FAM13A: variants seen among roughly 807,000 people sequenced by gnomAD.
The protein encoded by FAM13A is family with sequence similarity 13 member A.
A neutral mutation model predicts 129.6 loss-of-function variants in FAM13A; 76 were observed. The observed-to-expected ratio is 0.59, with a 90% CI of 0.49 to 0.71. FAM13A has a LOEUF of 0.71. FAM13A is among the 30% of genes least tolerant of loss of function. The pLI is 0.00. For synonymous variants in FAM13A, 443 were observed against 449.9 expected, an observed-to-expected ratio of 0.98 and a Z score of 0.20; for missense variants, 1,108 against 1,249.3, an observed-to-expected ratio of 0.89 and a Z score of 1.70.
intron 4 of FAM13A, among the ~76,000 whole-genome samples, chr4:88,938,736 A>G (rs1315932001): frequency 1.3e-5 from 2 of 152,204 alleles, no homozygotes; most frequent in Admixed American, 6.5e-5. Context: ...CTATTACACT[A>G]TTCTCTCTTC....
chr4:88,880,050 C>T (rs1443772236), intron 6 of FAM13A, among the ~76,000 whole-genome samples: 1 of 151,908 alleles, frequency 6.6e-6, no homozygotes, highest in Non-Finnish European at 1.5e-5. Flanking sequence ...ATTATTATTC[C>T]TCTCTAATAA....
chr4:89,046,111 T>C (rs1770821192), intron 1 of FAM13A, among the ~76,000 whole-genome samples: 1 of 151,814 alleles, frequency 6.6e-6, no homozygotes, highest in African/African-American at 2.4e-5. Flanking sequence ...AAAGCTACAA[T>C]TTGAACAGAC....
intron 3 of FAM13A, among the ~76,000 whole-genome samples, chr4:89,003,609 TG>T (rs1319205721): frequency 6.6e-6 from 1 of 151,642 alleles, no homozygotes; most frequent in Non-Finnish European, 1.5e-5. Context: ...CACTCCAGCC[TG>T]AATGACAGAA....
chr4:88,918,316 T>C (rs866811936), intron 5 of FAM13A, among the ~76,000 whole-genome samples: 1 of 152,358 alleles, frequency 6.6e-6, no homozygotes, highest in African/African-American at 2.4e-5. Flanking sequence ...TTCTTCTAAG[T>C]GCTTATTACA....
At chr4:88,914,576 T>TC (rs1749771501) in intron 5 of FAM13A, among the ~76,000 whole-genome samples, 1 of 152,212 alleles carries the variant, frequency 6.6e-6, no homozygotes, top group Admixed American at 6.5e-5. Context: ...TTCTTATCTT[T>TC]CAGCTCCCAT....
chr4:88,981,829 C>T (rs772219699), intron 4 of FAM13A, among the ~76,000 whole-genome samples: 10 of 152,176 alleles, frequency 6.6e-5, no homozygotes, highest in Non-Finnish European at 1.3e-4. Flanking sequence ...AAATGTGTTC[C>T]ATGGGAAGAA....
chr4:89,030,140 T>G (rs983572822), intron 1 of FAM13A, among the ~76,000 whole-genome samples: 1 of 152,170 alleles, frequency 6.6e-6, no homozygotes, highest in Non-Finnish European at 1.5e-5. Context: ...AGTTCTCTGA[T>G]TTGATTACAT....
chr4:88,737,768 G>A, intron 20 of FAM13A: 1 of 568,936 alleles, frequency 1.8e-6, no homozygotes, highest in South Asian at 2.0e-5. Flanking sequence ...AATCAAGGAG[G>A]ACAGAGTACA....
At chr4:88,995,140 TGTATATTTGTTGCACAAATATACAAACA>T (rs879374324) in intron 3 of FAM13A, among the ~76,000 whole-genome samples, 3,156 of 150,922 alleles carry the variant, frequency 0.021, 95 homozygotes, top group African/African-American at 0.062. Flanking sequence ...GCACCCAAAA[TGTATATTTGTTGCACAAATATACAAACA>T]GTATATTTGT....
intron 7 of FAM13A, among the ~76,000 whole-genome samples, chr4:88,832,375 A>G (rs1361653309): frequency 6.6e-6 from 1 of 152,232 alleles, no homozygotes; most frequent in Non-Finnish European, 1.5e-5. Flanking sequence ...ACAAAAGCAA[A>G]AATTGACAAA....
chr4:89,028,103 G>C (rs1166564798), intron 2 of FAM13A, among the ~76,000 whole-genome samples: 1 of 151,522 alleles, frequency 6.6e-6, no homozygotes, highest in Non-Finnish European at 1.5e-5. Flanking sequence ...CTACTTGGGA[G>C]GCTGAGGCAG....
At chr4:88,887,956 C>G (rs1446932865) in intron 6 of FAM13A, among the ~76,000 whole-genome samples, 1 of 152,158 alleles carries the variant, frequency 6.6e-6, no homozygotes, top group Admixed American at 6.5e-5. Context: ...TTTTGTCAGA[C>G]AGCAAGGCAA....
At chr4:88,864,973 G>A (rs937388166) in intron 6 of FAM13A, among the ~76,000 whole-genome samples, 2 of 152,076 alleles carry the variant, frequency 1.3e-5, no homozygotes, top group Admixed American at 1.3e-4. Context: ...TCAACAACTT[G>A]TGAAAAATAT....
In FAM13A at chr4:88,781,858, G is replaced by A. The variant is rs189255233; in HGVS notation, c.1272-507C>T. Among the ~76,000 whole-genome samples the A allele has an allele frequency of 2.3e-3, 338 of 149,382 alleles. 5 individuals carry two copies. The highest frequency in any genetic ancestry group is 0.017 in the Middle Eastern group (5 of 290). ...ACTGTTGTGGGGTGGGGGGAGCGGG[G>A]AGGGATAGCATTAGGAGATATACCT... On this transcript the variant is annotated intron_variant, in intron 10 of 23. Transcript: ENST00000264344.
intron 7 of FAM13A, among the ~76,000 whole-genome samples, chr4:88,847,657 G>A (rs996226971): frequency 6.6e-6 from 1 of 152,074 alleles, no homozygotes; most frequent in African/African-American, 2.4e-5. Context: ...ACAACAGGCC[G>A]GGTGCAGTGG....
At position 89,006,013 on chromosome 4, in the gene FAM13A, G is replaced by T. The variant is rs562997624; in HGVS notation, c.427+14447C>A. Among the ~76,000 whole-genome samples, 8 of 117,938 alleles carry T rather than the reference G, an allele frequency of 6.8e-5. No homozygotes were observed. In the South Asian group the frequency reaches 2.7e-3, roughly 40 times the overall value. 77.4% of individuals were successfully genotyped at this position (117,938 alleles called of 152,430 possible). On this transcript the variant is annotated intron_variant, in intron 3 of 23. Coordinates refer to ENST00000264344, the MANE Select transcript of FAM13A (RefSeq NM_014883.4). Reference sequence around the variant, plus strand: ...CCTACATCCAGATGGTATTGCCTAGGTTGTCTTCCAGGTTTTTATAGTTTT... The same window carrying T: ...CCTACATCCAGATGGTATTGCCTAGTTTGTCTTCCAGGTTTTTATAGTTTT...
Position 88,779,689 on chromosome 4 carries a change from T to A in FAM13A, c.1458+1476A>T, listed in dbSNP as rs562306917. ...AAAAACCCCAAATGGAATTAGGATC[T>A]TCCATCCCAGTGTTTTTCAGCACAG... is the stretch of plus-strand genomic sequence containing the variant. On this transcript the variant is annotated intron_variant, in intron 11 of 23. Coordinates refer to ENST00000264344, the MANE Select transcript of FAM13A (RefSeq NM_014883.4). 4.6e-5 allele frequency among the ~76,000 whole-genome samples: 7 copies of A among 152,322 alleles called. No homozygotes were observed. The East Asian group carries it at 1.3e-3, about 29-fold the overall frequency.
chr4:88,898,166 A>G (rs375948925), intron 6 of FAM13A, among the ~76,000 whole-genome samples: 1 of 152,198 alleles, frequency 6.6e-6, no homozygotes, highest in South Asian at 2.1e-4. Flanking sequence ...TTTCAAGAGC[A>G]TATTTCGTTT....
intron 6 of FAM13A, among the ~76,000 whole-genome samples, chr4:88,893,491 C>T (rs1301809018): frequency 6.6e-6 from 1 of 152,066 alleles, no homozygotes; most frequent in Non-Finnish European, 1.5e-5. Context: ...GGCGTGGTGG[C>T]GGGCGCCTGT....
Sources: allele counts gnomAD v4.1 joint callset (sites outside exome capture counted in the v4.1 genomes callset), GRCh38; gene constraint gnomAD v4.1.1; transcripts MANE v1.5; gene names NCBI Gene and HGNC (gene_info 2026-07-23, HGNC 2026-07-21).